The following CPNE4 variants were observed in gnomAD, a reference collection of about 807,000 sequenced individuals.
CPNE4 encodes the protein copine-4.
Under a neutral mutation model 67.9 loss-of-function variants are expected in CPNE4, and 25 were observed. That is an observed-to-expected ratio of 0.37 (90% confidence interval 0.27 to 0.51). The LOEUF is 0.51. Ranked by LOEUF, CPNE4 falls within the 20% of genes least tolerant of loss-of-function variation. CPNE4 has a pLI of 0.93. For synonymous variants in CPNE4, 242 were observed against 244.9 expected, an observed-to-expected ratio of 0.99 and a Z score of 0.11; for missense variants, 464 against 690.8, an observed-to-expected ratio of 0.67 and a Z score of 3.68.
At chr3:131,603,662 A>C (rs1939337168) in intron 7 of CPNE4, among the ~76,000 whole-genome samples, 1 of 152,186 alleles carries the variant, frequency 6.6e-6, no homozygotes, top group Non-Finnish European at 1.5e-5. Context: ...GCTGAGACAC[A>C]GTATCTGCCA....
chr3:131,896,036 C>T (rs7627080), intron 2 of CPNE4, among the ~76,000 whole-genome samples: 53,583 of 150,838 alleles, frequency 0.36, 10,645 homozygotes, highest in African/African-American at 0.54. Flanking sequence ...AATTTTACTT[C>T]TAGGAAAAAA....
Position 131,792,892 on chromosome 3 carries a change from A to AGTGTGTGT in CPNE4, c.181-69275_181-69268dup, listed in dbSNP as rs1553772420. ...ATATATTTACAGTGTAGGTATTTCC[A>AGTGTGTGT]GTGTGTGTGTGTGTGTGTGTGTGTG... On this transcript the variant is annotated intron_variant, in intron 2 of 15. Coordinates refer to ENST00000429747, the MANE Select transcript of CPNE4 (RefSeq NM_130808.3). Among the ~76,000 whole-genome samples, 544 of 127,964 alleles carry AGTGTGTGT rather than the reference A, an allele frequency of 4.3e-3. 7 individuals carry two copies. Among genetic ancestry groups the AGTGTGTGT allele is most frequent in the African/African-American group, 0.014 (470 of 33,074 alleles). The allele number at this position is 127,964 out of a possible 152,430, so 83.9% of individuals were successfully genotyped here.
Position 131,859,585 on chromosome 3 carries a change from A to G in CPNE4, c.180+45679T>C, listed in dbSNP as rs569835097. ...ACCCAGGCCACACTCCAGGCCAATA[A>G]AAGTAGAATCTCTGGGGGTGGAACT... On this transcript the variant is annotated intron_variant, in intron 2 of 15. Transcript: ENST00000429747. 1.5e-4 allele frequency among the ~76,000 whole-genome samples: 23 copies of G among 152,278 alleles called. No homozygotes were observed. The South Asian group carries it at 4.8e-3, about 32-fold the overall frequency.
At chr3:131,830,134 T>A (rs757022184) in intron 2 of CPNE4, among the ~76,000 whole-genome samples, 1 of 152,200 alleles carries the variant, frequency 6.6e-6, no homozygotes. Flanking sequence ...AATTTATCCC[T>A]GTGCTACAGT....
chr3:131,898,668 T>C (rs1238062545), intron 2 of CPNE4, among the ~76,000 whole-genome samples: 2 of 152,090 alleles, frequency 1.3e-5, no homozygotes, highest in African/African-American at 2.4e-5. Context: ...TCTAAGTGCA[T>C]CACTTAAAAG....
intron 1 of CPNE4, among the ~76,000 whole-genome samples, chr3:131,974,927 G>A (rs547153231): frequency 1.3e-5 from 2 of 152,132 alleles, no homozygotes; most frequent in Non-Finnish European, 2.9e-5. Context: ...AGGATGGCTT[G>A]AGCCTGGGAG....
intron 2 of CPNE4, among the ~76,000 whole-genome samples, chr3:131,901,770 G>A (rs892713839): frequency 1.3e-5 from 2 of 152,092 alleles, no homozygotes; most frequent in African/African-American, 4.8e-5. Flanking sequence ...TTTTGTCCCT[G>A]TCACCCAGAG....
At chr3:131,767,514 C>A (rs893138480) in intron 2 of CPNE4, among the ~76,000 whole-genome samples, 10 of 152,026 alleles carry the variant, frequency 6.6e-5, no homozygotes, top group Admixed American at 3.3e-4. Flanking sequence ...TCCCTTCGGC[C>A]TGACTAGGGC....
At chr3:132,009,003 C>T (rs2073678870) in intron 1 of CPNE4, among the ~76,000 whole-genome samples, 1 of 152,182 alleles carries the variant, frequency 6.6e-6, no homozygotes, top group African/African-American at 2.4e-5. Flanking sequence ...GCCTATAACT[C>T]TCAAAGTTGA....
rs183208785 is a variant in CPNE4, at chr3:131,867,552, G to A, written c.180+37712C>T. ...GGGGGTCTCCTTGAGAGGTCAATTC[G>A]TCCAGCCCTCCATGCAAATGCCAGT... On this transcript the variant is annotated intron_variant, in intron 2 of 15. Coordinates refer to ENST00000429747, the MANE Select transcript of CPNE4 (RefSeq NM_130808.3). 3.3e-5 allele frequency among the ~76,000 whole-genome samples: 5 copies of A among 152,168 alleles called. No homozygotes were observed. In the East Asian group the frequency reaches 5.8e-4, roughly 18 times the overall value.
intron 2 of CPNE4, among the ~76,000 whole-genome samples, chr3:131,850,746 G>A (rs1047567364): frequency 6.6e-6 from 1 of 152,066 alleles, no homozygotes; most frequent in African/African-American, 2.4e-5. Flanking sequence ...AGTATTTTCA[G>A]TGTTTTGCAC....
intron 13 of CPNE4, among the ~76,000 whole-genome samples, chr3:131,551,723 G>C (rs1290608803): frequency 6.6e-6 from 1 of 152,032 alleles, no homozygotes; most frequent in Non-Finnish European, 1.5e-5. Flanking sequence ...GACAAGAAGA[G>C]AGAGATATGG....
chr3:131,830,340 G>C (rs2085317356), intron 2 of CPNE4, among the ~76,000 whole-genome samples: 1 of 152,082 alleles, frequency 6.6e-6, no homozygotes. Flanking sequence ...TTGTCCCCCA[G>C]CTTTCATTCT....
chr3:131,847,923 T>C (rs2086066496), intron 2 of CPNE4, among the ~76,000 whole-genome samples: 1 of 152,130 alleles, frequency 6.6e-6, no homozygotes, highest in African/African-American at 2.4e-5. Flanking sequence ...CTGACCTCAG[T>C]GCAACTGTGG....
Position 131,777,555 on chromosome 3 carries a change from G to A in CPNE4, c.181-53930C>T, listed in dbSNP as rs144518056. ...GAGAAAGAAGCTCAGAGGATCCCAG[G>A]AGAAGACTAAGTGCCTTTCTAGGGA... On this transcript the variant is annotated intron_variant, in intron 2 of 15. Coordinates refer to ENST00000429747, the MANE Select transcript of CPNE4 (RefSeq NM_130808.3). 8.8e-3 allele frequency among the ~76,000 whole-genome samples: 1,343 copies of A among 152,152 alleles called. 26 individuals are homozygous for A. The highest frequency in any genetic ancestry group is 0.031 in the African/African-American group (1,286 of 41,532).
intron 7 of CPNE4, among the ~76,000 whole-genome samples, chr3:131,603,334 T>C (rs1379028363): frequency 1.3e-5 from 2 of 152,090 alleles, no homozygotes; most frequent in African/African-American, 2.4e-5. Flanking sequence ...GTGGTAAAAA[T>C]AGACATTAAT....
At chr3:131,605,093 T>C (rs1004454061) in intron 7 of CPNE4, among the ~76,000 whole-genome samples, 16 of 152,274 alleles carry the variant, frequency 1.1e-4, no homozygotes, top group Admixed American at 7.8e-4. Flanking sequence ...GCTAGGTAAC[T>C]TTATTGAGAT....
chr3:131,947,689 A>G (rs1391347358), intron 1 of CPNE4, among the ~76,000 whole-genome samples: 1 of 152,206 alleles, frequency 6.6e-6, no homozygotes, highest in African/African-American at 2.4e-5. Flanking sequence ...CGGTGCTGCA[A>G]TAAACATACG....
intron 2 of CPNE4, among the ~76,000 whole-genome samples, chr3:131,725,715 T>A (rs2081984672): frequency 6.6e-6 from 1 of 152,234 alleles, no homozygotes; most frequent in South Asian, 2.1e-4. Context: ...AGGTACTTTA[T>A]TTGTCCTACT....
Sources: allele counts gnomAD v4.1 joint callset (sites outside exome capture counted in the v4.1 genomes callset), GRCh38; gene constraint gnomAD v4.1.1; transcripts MANE v1.5; gene names NCBI Gene and HGNC (gene_info 2026-07-23, HGNC 2026-07-21).